Variants in MAPK8 observed in about 807,000 individuals in gnomAD.
MAPK8 encodes JUN N-terminal kinase.
Under a neutral mutation model 52.9 loss-of-function variants are expected in MAPK8, and 13 were observed. That is an observed-to-expected ratio of 0.25 (90% CI 0.16 to 0.39). The LOEUF is 0.39. Among genes scored for constraint, MAPK8 ranks in the 10% least tolerant of loss-of-function variants. MAPK8 has a pLI of 1.00. For missense variants in MAPK8, 300 were observed against 519.2 expected (o/e 0.58, Z 4.10); for synonymous variants, 191 against 169.8 (o/e 1.12, Z -0.97).
intron 1 of MAPK8, among the ~76,000 whole-genome samples, chr10:48,331,728 A>G (rs1844168960): frequency 6.6e-6 from 1 of 151,998 alleles, no homozygotes; most frequent in Non-Finnish European, 1.5e-5. Flanking sequence ...GGTGGAGGAT[A>G]TGGCCAGTAT....
intron 1 of MAPK8, among the ~76,000 whole-genome samples, chr10:48,371,883 T>G (rs1045185838): frequency 6.6e-5 from 10 of 152,144 alleles, no homozygotes; most frequent in Middle Eastern, 3.4e-3. Flanking sequence ...ATACTTACAT[T>G]TATCCACTTA....
intron 1 of MAPK8, among the ~76,000 whole-genome samples, chr10:48,359,650 C>T (rs1217843041): frequency 6.6e-6 from 1 of 152,148 alleles, no homozygotes; most frequent in Non-Finnish European, 1.5e-5. Context: ...TGACAGAACA[C>T]CATTGCAGAT....
intron 1 of MAPK8, among the ~76,000 whole-genome samples, chr10:48,379,843 GA>G (rs1333321616): frequency 1.4e-5 from 2 of 145,618 alleles, no homozygotes; most frequent in African/African-American, 2.6e-5. Context: ...CTGTATTCAA[GA>G]ATACTTGAAT....
chr10:48,324,503 G>GTTTTTTTTTTTTTGTTTTTTTTTTTT (rs529248037), intron 1 of MAPK8, among the ~76,000 whole-genome samples: 22 of 118,008 alleles, frequency 1.9e-4, no homozygotes, highest in African/African-American at 7.1e-4. Flanking sequence ...CTGTTTTCTA[G>GTTTTTTTTTTTTTGTTTTTTTTTTTT]TTTTTTTTTT....
chr10:48,334,322 GGTTTC>G, intron 1 of MAPK8, among the ~76,000 whole-genome samples: 1 of 152,256 alleles, frequency 6.6e-6, no homozygotes, highest in African/African-American at 2.4e-5. Flanking sequence ...CCCAACTGGA[GGTTTC>G]TTGCACACCC....
intron 1 of MAPK8, among the ~76,000 whole-genome samples, chr10:48,394,148 C>T (rs2041771294): frequency 6.6e-6 from 1 of 151,846 alleles, no homozygotes. Flanking sequence ...TTAAAACATT[C>T]CCTCAAAAAG....
At chr10:48,372,174 C>T (rs577313177) in intron 1 of MAPK8, among the ~76,000 whole-genome samples, 94 of 152,030 alleles carry the variant, frequency 6.2e-4, no homozygotes, top group African/African-American at 2.0e-3. Flanking sequence ...GGAGTAGGAC[C>T]GAAAGTTTCA....
chr10:48,348,554 A>C (rs903428334), intron 1 of MAPK8, among the ~76,000 whole-genome samples: 2 of 152,010 alleles, frequency 1.3e-5, no homozygotes, highest in African/African-American at 2.4e-5. Context: ...ATCCTGAGTT[A>C]ATTTTTGTAT....
chr10:48,427,172 A>G, intron 10 of MAPK8, 29 bp downstream of exon 10: 2 of 1,553,062 alleles, frequency 1.3e-6, no homozygotes, highest in South Asian at 2.3e-5. Flanking sequence ...TAGAGGGAAA[A>G]CTGTGAAGGA....
At chr10:48,350,792 AG>A (rs1846242842) in intron 1 of MAPK8, among the ~76,000 whole-genome samples, 1 of 152,218 alleles carries the variant, frequency 6.6e-6, no homozygotes, top group Non-Finnish European at 1.5e-5. Context: ...GAAATAAATA[AG>A]GGTTATTCAA....
chr10:48,404,151 T>A (rs1338729920), intron 2 of MAPK8, among the ~76,000 whole-genome samples: 1 of 151,318 alleles, frequency 6.6e-6, no homozygotes. Flanking sequence ...ATTCAGCAAA[T>A]CTTTTGAGTA....
intron 1 of MAPK8, among the ~76,000 whole-genome samples, chr10:48,362,280 G>A (rs767522332): frequency 5.9e-5 from 9 of 152,010 alleles, no homozygotes; most frequent in African/African-American, 9.7e-5. Flanking sequence ...AGAAAGATAC[G>A]GAAGTGAAAA....
intron 10 of MAPK8, among the ~76,000 whole-genome samples, chr10:48,428,841 G>C (rs933126753): frequency 5.9e-5 from 9 of 151,930 alleles, no homozygotes; most frequent in Non-Finnish European, 1.2e-4. Flanking sequence ...GTTTTTTTGA[G>C]ACAGGGTCTC....
intron 1 of MAPK8, among the ~76,000 whole-genome samples, chr10:48,317,530 CTT>C (rs142886685): frequency 0.011 from 1,687 of 152,286 alleles, 34 homozygotes; most frequent in African/African-American, 0.039. Context: ...GCAGACCACT[CTT>C]TTAAGATTAG....
intron 1 of MAPK8, among the ~76,000 whole-genome samples, chr10:48,343,712 G>C (rs1362025119): frequency 1.3e-5 from 2 of 152,180 alleles, no homozygotes; most frequent in Admixed American, 1.3e-4. Context: ...AAGATTTCTT[G>C]ATTGCTTTTT....
chr10:48,404,629 A>G (rs1467724878), intron 2 of MAPK8, among the ~76,000 whole-genome samples: 1 of 152,222 alleles, frequency 6.6e-6, no homozygotes. Context: ...CTCTGTTGGC[A>G]TAGTCCACTG....
chr10:48,375,826 T>C (rs907454554), intron 1 of MAPK8, among the ~76,000 whole-genome samples: 1 of 152,186 alleles, frequency 6.6e-6, no homozygotes, highest in Non-Finnish European at 1.5e-5. Context: ...AAATAATTTG[T>C]AGATTCATTG....
At chr10:48,409,745 A>G (rs1395533562) in intron 3 of MAPK8, 134 bp from the exon 4 acceptor site, 7 of 658,868 alleles carry the variant, frequency 1.1e-5, no homozygotes, top group East Asian at 5.5e-5. Flanking sequence ...AATGAAAGCA[A>G]TTAACTTGAG....
At chr10:48,364,088 G>T (rs961288818) in intron 1 of MAPK8, among the ~76,000 whole-genome samples, 16 of 152,008 alleles carry the variant, frequency 1.1e-4, no homozygotes, top group African/African-American at 3.9e-4. Context: ...AGCACATGGT[G>T]GTACCTCAGG....
Sources: gnomAD v4.1 joint callset for allele counts (sites outside exome capture counted in the v4.1 genomes callset) on GRCh38, gnomAD v4.1.1 for gene constraint, MANE v1.5 for transcripts, NCBI Gene and HGNC (gene_info 2026-07-23, HGNC 2026-07-21) for gene names.